RBFOX1: variants seen among roughly 807,000 people sequenced by gnomAD.
RBFOX1 encodes the protein RNA binding fox-1 homolog 1, also known as RNA binding protein fox-1 homolog 1.
Under a neutral mutation model 57.7 loss-of-function variants are expected in RBFOX1, and 8 were observed. The observed-to-expected ratio is 0.14, with a 90% confidence interval of 0.08 to 0.25. RBFOX1 has a LOEUF of 0.25. Among genes scored for constraint, RBFOX1 ranks in the 10% least tolerant of loss-of-function variants. The probability of loss-of-function intolerance (pLI) is 1.00; values close to 1 mark genes in which losing one functional copy is unlikely to be tolerated. For missense variants in RBFOX1, 611 were observed against 548.5 expected, an observed-to-expected ratio of 1.11 and a Z score of -1.14; for synonymous variants, 326 against 222.4, an observed-to-expected ratio of 1.47 and a Z score of -4.15.
intron 3 of RBFOX1, among the ~76,000 whole-genome samples, chr16:6,879,706 C>G (rs576670703): frequency 9.2e-5 from 14 of 152,246 alleles, no homozygotes; most frequent in Admixed American, 2.0e-4. Context: ...TTGTAATATT[C>G]TTTTCTGTGG....
intron 4 of RBFOX1, among the ~76,000 whole-genome samples, chr16:7,243,819 G>C (rs1444085598): frequency 6.6e-6 from 1 of 152,066 alleles, no homozygotes; most frequent in Admixed American, 6.5e-5. Flanking sequence ...CAAAGTGCTG[G>C]TATTAGAGGT....
At chr16:7,148,847 C>T (rs757260574) in intron 4 of RBFOX1, among the ~76,000 whole-genome samples, 2 of 152,172 alleles carry the variant, frequency 1.3e-5, no homozygotes, top group Admixed American at 6.5e-5. Context: ...AGCAAAGTGA[C>T]CCTCGGGTCA....
At chr16:5,962,954 C>G (rs563717954) in intron 4 of RBFOX1, among the ~76,000 whole-genome samples, 10 of 151,520 alleles carry the variant, frequency 6.6e-5, no homozygotes, top group African/African-American at 2.4e-4. Flanking sequence ...TCTTCTAATC[C>G]TTGGGAAGTA....
chr16:7,485,490 G>C (rs1380231581), intron 4 of RBFOX1, among the ~76,000 whole-genome samples: 1 of 152,080 alleles, frequency 6.6e-6, no homozygotes, highest in Non-Finnish European at 1.5e-5. Flanking sequence ...GCTTTTTTTA[G>C]TTTTGTAACA....
chr16:7,019,266 GA>G lies in RBFOX1; in HGVS notation c.-15-32784del, dbSNP rs1327725782. Among the ~76,000 whole-genome samples, 70 of 152,002 alleles carry G rather than the reference GA, an allele frequency of 4.6e-4. 1 individual carries two copies. Among genetic ancestry groups the G allele is most frequent in the Non-Finnish European group, 1.8e-4 (12 of 67,946 alleles). On this transcript the variant is annotated intron_variant, in intron 3 of 15. Coordinates refer to ENST00000550418, the MANE Select transcript of RBFOX1 (RefSeq NM_018723.4). Reference sequence around the variant, plus strand: ...TAGGTTTTGTTAGGTTGGTGCTTGAGAAAAAAACAGGTAGATTTGGAAAATG... The same window carrying G: ...TAGGTTTTGTTAGGTTGGTGCTTGAGAAAAAACAGGTAGATTTGGAAAATG...
At chr16:7,649,105 A>G (rs1056055936) in intron 11 of RBFOX1, among the ~76,000 whole-genome samples, 1 of 152,184 alleles carries the variant, frequency 6.6e-6, no homozygotes, top group African/African-American at 2.4e-5. Flanking sequence ...AAGGAAGCTT[A>G]TAAAGAAAGT....
intron 2 of RBFOX1, among the ~76,000 whole-genome samples, chr16:6,563,659 C>T (rs553327389): frequency 6.4e-4 from 98 of 152,116 alleles, no homozygotes; most frequent in African/African-American, 1.1e-3. Flanking sequence ...TTATCAGCAA[C>T]GTGGCAAAAG....
At chr16:6,543,016 C>T (rs6500793) in intron 2 of RBFOX1, among the ~76,000 whole-genome samples, 1 of 151,864 alleles carries the variant, frequency 6.6e-6, no homozygotes, top group Non-Finnish European at 1.5e-5. Flanking sequence ...CTCACTCTCC[C>T]TCCCCAGGGC....
At chr16:5,464,755 T>C (rs2068901451) in intron 1 of RBFOX1, among the ~76,000 whole-genome samples, 1 of 152,114 alleles carries the variant, frequency 6.6e-6, no homozygotes, top group African/African-American at 2.4e-5. Flanking sequence ...TGGTGAGCTT[T>C]GGGTGCGTTT....
In RBFOX1 at chr16:5,375,440, G is replaced by T. The variant is rs149261128; in HGVS notation, c.220-91776G>T. Among the ~76,000 whole-genome samples, 562 of 152,258 alleles carry T rather than the reference G, an allele frequency of 3.7e-3. 6 individuals are homozygous for T. The highest frequency in any genetic ancestry group is 0.013 in the African/African-American group (532 of 41,538). ...AAACAGCATCATGGAGGGCTCTAAG[G>T]ATCCTAGCCTGAGAGTCTGGGATAG... is the stretch of plus-strand genomic sequence containing the variant. On this transcript the variant is annotated intron_variant, in intron 1 of 2. Transcript: ENST00000585867.
At chr16:6,679,689 C>G (rs757989528) in intron 3 of RBFOX1, among the ~76,000 whole-genome samples, 1 of 152,066 alleles carries the variant, frequency 6.6e-6, no homozygotes, top group Admixed American at 6.6e-5. Flanking sequence ...CTAAACTAAC[C>G]ACCACACCAT....
At chr16:5,965,875 C>T (rs1248238976) in intron 4 of RBFOX1, among the ~76,000 whole-genome samples, 1 of 152,044 alleles carries the variant, frequency 6.6e-6, no homozygotes, top group East Asian at 1.9e-4. Flanking sequence ...CTCCTTTCCT[C>T]CTCCAGCTCA....
intron 3 of RBFOX1, among the ~76,000 whole-genome samples, chr16:5,754,129 G>A (rs1380005016): frequency 1.3e-5 from 2 of 152,178 alleles, no homozygotes; most frequent in African/African-American, 2.4e-5. Context: ...AGCCATGCAA[G>A]TATTTTCCTG....
At chr16:6,901,634 C>G (rs1301226419) in intron 3 of RBFOX1, among the ~76,000 whole-genome samples, 4 of 152,166 alleles carry the variant, frequency 2.6e-5, no homozygotes, top group Non-Finnish European at 5.9e-5. Context: ...AAATCTGTTT[C>G]TGGTAACCTT....
intron 2 of RBFOX1, among the ~76,000 whole-genome samples, chr16:5,519,109 A>G (rs1336493403): frequency 6.6e-6 from 1 of 152,176 alleles, no homozygotes; most frequent in African/African-American, 2.4e-5. Context: ...AACCTTGCGG[A>G]CATCTTGATC....
chr16:7,405,797 C>T (rs951412103), intron 4 of RBFOX1, among the ~76,000 whole-genome samples: 2 of 152,106 alleles, frequency 1.3e-5, no homozygotes, highest in Non-Finnish European at 2.9e-5. Context: ...AAGGTAGTTC[C>T]TTCTAACACC....
At chr16:5,892,108 C>T (rs767081681) in intron 4 of RBFOX1, among the ~76,000 whole-genome samples, 1 of 152,164 alleles carries the variant, frequency 6.6e-6, no homozygotes, top group East Asian at 1.9e-4. Flanking sequence ...CACTTATATT[C>T]TAGCAGGATG....
intron 1 of RBFOX1, among the ~76,000 whole-genome samples, chr16:5,244,578 C>G (rs556412801): frequency 6.6e-6 from 1 of 152,356 alleles, no homozygotes; most frequent in Non-Finnish European, 1.5e-5. Context: ...CTGAAGCTCT[C>G]TCTGCTGAGA....
chr16:5,950,623 A>T (rs913675679), intron 4 of RBFOX1, among the ~76,000 whole-genome samples: 25 of 152,188 alleles, frequency 1.6e-4, no homozygotes, highest in Non-Finnish European at 2.6e-4. Context: ...AAGTCTAACC[A>T]GCGAGTGGAA....
Sources: allele counts gnomAD v4.1 joint callset (sites outside exome capture counted in the v4.1 genomes callset), GRCh38; gene constraint gnomAD v4.1.1; transcripts MANE v1.5; gene names NCBI Gene and HGNC (gene_info 2026-07-23, HGNC 2026-07-21).